Variants in BLK observed in about 807,000 individuals in gnomAD.
BLK encodes BLK proto-oncogene, Src family tyrosine kinase.
A neutral mutation model predicts 61.8 loss-of-function variants in BLK; 64 were observed. That is an observed-to-expected ratio of 1.03 (90% CI 0.85 to 1.27). The LOEUF (loss-of-function observed/expected upper bound fraction) is 1.27, where lower values mean the gene tolerates loss of function less well. Among genes scored for constraint, BLK ranks in the 50% most tolerant of loss-of-function variants. The pLI, the probability that BLK is intolerant of heterozygous loss-of-function variation, is 0.00. For missense variants in BLK, 853 were observed against 660.5 expected (o/e 1.29, Z -3.19); for synonymous variants, 351 against 272.0 (o/e 1.29, Z -2.86).
chr8:11,529,818 A>G (rs1799815009), intron 1 of BLK, among the ~76,000 whole-genome samples: 1 of 152,134 alleles, frequency 6.6e-6, no homozygotes, highest in South Asian at 2.1e-4. Flanking sequence ...GATCTCTTTC[A>G]CTGTCTCAGT....
chr8:11,533,274 C>T (rs1799966970), intron 1 of BLK, among the ~76,000 whole-genome samples: 1 of 152,148 alleles, frequency 6.6e-6, no homozygotes, highest in Non-Finnish European at 1.5e-5. Flanking sequence ...TTTCCAATCT[C>T]ATGTTTGAAA....
chr8:11,563,647 T>A (rs900893837), intron 12 of BLK, among the ~76,000 whole-genome samples: 1 of 152,168 alleles, frequency 6.6e-6, no homozygotes, highest in African/African-American at 2.4e-5. Context: ...GAGGGTCCCA[T>A]CTTCAGAGGA....
At position 11,564,285 on chromosome 8, in the gene BLK, A is replaced by G. The variant is rs1563128845; in HGVS notation, c.*177A>G. The G allele has an allele frequency of 1.5e-5, 12 of 775,496 alleles. No homozygotes were observed. Among genetic ancestry groups the G allele is most frequent in the Non-Finnish European group, 2.6e-5 (12 of 454,716 alleles). 48.0% of individuals were successfully genotyped at this position (775,496 alleles called of 1,614,324 possible). ...CCGGACGGACTCCTTCACCGACTGC[A>G]CCCCCGGGCGAGTTACGCGGCCTCT... On this transcript the variant is annotated 3_prime_UTR_variant, in exon 13 of 13. Coordinates refer to ENST00000259089, the MANE Select transcript of BLK (RefSeq NM_001715.3).
At chr8:11,558,409 C>G (rs1423716282) in intron 10 of BLK, 1 of 364,450 alleles carries the variant, frequency 2.7e-6, no homozygotes, top group African/African-American at 2.1e-5. Flanking sequence ...GTTGTGACCT[C>G]ATCTCTTCCT....
chr8:11,513,809 C>T (rs1383671345), intron 1 of BLK, among the ~76,000 whole-genome samples: 3 of 152,170 alleles, frequency 2.0e-5, no homozygotes, highest in Non-Finnish European at 4.4e-5. Flanking sequence ...GGTTGGCGGG[C>T]AGTCCACACC....
chr8:11,497,999 T>A (rs1490988629), intron 1 of BLK, among the ~76,000 whole-genome samples: 1 of 152,212 alleles, frequency 6.6e-6, no homozygotes, highest in Non-Finnish European at 1.5e-5. Flanking sequence ...GCCCAAGACA[T>A]AGACGAGGCT....
intron 1 of BLK, among the ~76,000 whole-genome samples, chr8:11,536,236 G>A (rs2248700): frequency 0.58 from 88,525 of 151,834 alleles, 26,677 homozygotes; most frequent in Non-Finnish European, 0.66. Flanking sequence ...GAAATGACTT[G>A]CTTCACTACA....
chr8:11,550,271 G>T lies in BLK; in HGVS notation c.472+9G>T. 2.5e-6 allele frequency: 4 copies of T among 1,613,342 alleles called. No homozygotes were observed. The highest frequency in any genetic ancestry group is 3.4e-6 in the Non-Finnish European group (4 of 1,179,700). ...GAGTGAAACCAACAAAGGTAGGCTT[G>T]GTGGCTTTGCCTGCCTTCCTTGCCC... is the stretch of plus-strand genomic sequence containing the variant. On this transcript the variant is annotated intron_variant, in intron 6 of 12. Transcript: ENST00000259089.
At chr8:11,516,439 C>G (rs545942597) in intron 1 of BLK, among the ~76,000 whole-genome samples, 1 of 152,328 alleles carries the variant, frequency 6.6e-6, no homozygotes, top group South Asian at 2.1e-4. Context: ...ATTGCTGTCT[C>G]TCCCAGAGGA....
chr8:11,558,962 G>T, intron 10 of BLK: 1 of 456,282 alleles, frequency 2.2e-6, no homozygotes, highest in South Asian at 1.5e-5. Flanking sequence ...TTCCGCTGAG[G>T]TGGGCAGACA....
At chr8:11,554,595 C>A in intron 6 of BLK, 148 bp from the exon 7 acceptor site, 1 of 967,978 alleles carries the variant, frequency 1.0e-6, no homozygotes, top group Non-Finnish European at 1.6e-6. Context: ...GGTTGAGATG[C>A]AGGGAAAGGA....
At chr8:11,558,475 C>T in intron 10 of BLK, 1 of 363,674 alleles carries the variant, frequency 2.7e-6, no homozygotes, top group South Asian at 2.1e-5. Context: ...GGCCCTCAGC[C>T]TTTGCACAGC....
In BLK at chr8:11,548,087, G is replaced by A. The variant is rs148704915; in HGVS notation, c.231G>A (p.Leu77=). ...YDYTAMNDRD[L]QMLKGEKLQV... is the part of the protein sequence containing the mutation. ...ACACCGCTATGAATGATCGGGACCTGCAGATGCTGAAGGGGGAGAAGCTAC... is the reference window on the plus strand; with the variant it reads ...ACACCGCTATGAATGATCGGGACCTACAGATGCTGAAGGGGGAGAAGCTAC... The change falls in exon 4 of 13, where the codon CTG becomes CTA. Residue 77 remains leucine, a synonymous_variant. Coordinates refer to ENST00000259089, the MANE Select transcript of BLK (RefSeq NM_001715.3). 2 of 1,613,922 alleles carry A rather than the reference G, an allele frequency of 1.2e-6. No homozygotes were observed. The highest frequency in any genetic ancestry group is 2.2e-5 in the East Asian group (1 of 44,882).
intron 1 of BLK, among the ~76,000 whole-genome samples, chr8:11,515,138 G>A (rs1390947034): frequency 1.3e-5 from 2 of 152,192 alleles, no homozygotes; most frequent in Non-Finnish European, 2.9e-5. Context: ...TGTTTTGCTG[G>A]TTGGTGCCAG....
At chr8:11,550,937 G>C (rs1486932777) in intron 6 of BLK, among the ~76,000 whole-genome samples, 3 of 152,204 alleles carry the variant, frequency 2.0e-5, no homozygotes, top group African/African-American at 7.2e-5. Context: ...AAATCCCTGT[G>C]TAATGACAGC....
intron 1 of BLK, among the ~76,000 whole-genome samples, chr8:11,495,474 CCA>C (rs1798330155): frequency 6.6e-6 from 1 of 152,166 alleles, no homozygotes; most frequent in Non-Finnish European, 1.5e-5. Flanking sequence ...CACCAAGGGA[CCA>C]AGCTTAGCAT....
At chr8:11,507,161 G>A (rs981222180) in intron 1 of BLK, among the ~76,000 whole-genome samples, 1 of 152,220 alleles carries the variant, frequency 6.6e-6, no homozygotes, top group African/African-American at 2.4e-5. Context: ...GATTTTACAA[G>A]GCCAGGAGCC....
At position 11,562,344 on chromosome 8, in the gene BLK, G is replaced by A. The variant is rs571098555; in HGVS notation, c.1181-635G>A. On this transcript the variant is annotated intron_variant, in intron 11 of 12. Transcript: ENST00000259089. ...AGCAAGCAGTGTCTGCTGAGCCTAT[G>A]AGTCAGATGACAAGCAGACAGGATA... Among the ~76,000 whole-genome samples the A allele has an allele frequency of 2.9e-3, 434 of 152,274 alleles. 4 individuals carry two copies. Among genetic ancestry groups the A allele is most frequent in the South Asian group, 0.018 (86 of 4,814 alleles).
intron 6 of BLK, chr8:11,554,286 C>A: frequency 4.4e-6 from 1 of 229,570 alleles, no homozygotes; most frequent in East Asian, 1.0e-4. Flanking sequence ...TTACGGTGTC[C>A]GCCATGGACA....
Sources: gnomAD v4.1 joint callset for allele counts (sites outside exome capture counted in the v4.1 genomes callset) on GRCh38, gnomAD v4.1.1 for gene constraint, MANE v1.5 for transcripts, NCBI Gene and HGNC (gene_info 2026-07-23, HGNC 2026-07-21) for gene names.